Variants in CUBN observed in about 807,000 individuals in gnomAD.
CUBN encodes cubilin, also known as 460 kDa receptor.
A neutral mutation model predicts 405.3 loss-of-function variants in CUBN; 282 were observed. The ratio of observed to expected loss-of-function variants is 0.70; its 90% CI spans 0.63 to 0.77. The LOEUF (loss-of-function observed/expected upper bound fraction) is 0.77. CUBN is among the 30% of genes least tolerant of loss of function. The pLI, the probability that CUBN is intolerant of heterozygous loss-of-function variation, is 0.00. For missense variants in CUBN, 4,514 were observed against 4,475.2 expected (o/e 1.01, Z -0.25); for synonymous variants, 1,684 against 1,617.0 (o/e 1.04, Z -0.99).
chr10:16,939,156 G>A lies in CUBN; in HGVS notation c.5549-9C>T, dbSNP rs368926188. ...ATTATCATTGCCAAATACTAGGAGGGAAGACAGAGTAGTAAATCAGACCCA... is the reference window on the plus strand; with the variant it reads ...ATTATCATTGCCAAATACTAGGAGGAAAGACAGAGTAGTAAATCAGACCCA... On this transcript the variant is annotated splice_polypyrimidine_tract_variant and intron_variant, in intron 37 of 66. Transcript: ENST00000377833. 32 of 1,609,458 alleles carry A rather than the reference G, an allele frequency of 2.0e-5. 1 individual carries two copies. The African/African-American group carries it at 3.9e-4, about 19-fold the overall frequency.
At chr10:16,846,896 CCT>C (rs1839530784) in intron 60 of CUBN, among the ~76,000 whole-genome samples, 1 of 151,904 alleles carries the variant, frequency 6.6e-6, no homozygotes, top group South Asian at 2.1e-4. Flanking sequence ...AGGATGAGGA[CCT>C]CTCTCTGCTG....
chr10:17,004,706 A>G (rs1392206659), intron 28 of CUBN, among the ~76,000 whole-genome samples: 3 of 140,686 alleles, frequency 2.1e-5, no homozygotes, highest in African/African-American at 5.4e-5. Context: ...ATCTCACTCT[A>G]TTGCCCAGGC....
intron 57 of CUBN, among the ~76,000 whole-genome samples, chr10:16,875,166 C>G (rs1335016653): frequency 6.6e-6 from 1 of 151,932 alleles, no homozygotes; most frequent in East Asian, 1.9e-4. Flanking sequence ...CAGGCCCGTT[C>G]CTCTCCAGGA....
intron 60 of CUBN, among the ~76,000 whole-genome samples, chr10:16,849,236 A>T (rs533043299): frequency 9.2e-5 from 14 of 152,172 alleles, no homozygotes; most frequent in African/African-American, 3.4e-4. Context: ...CCTTGACTTC[A>T]GGGATACTAC....
chr10:16,985,900 A>G (rs1031223625), intron 29 of CUBN, among the ~76,000 whole-genome samples: 19 of 152,202 alleles, frequency 1.2e-4, no homozygotes, highest in African/African-American at 4.6e-4. Flanking sequence ...AGTCCTCTGG[A>G]AAGAGTCTCC....
intron 31 of CUBN, among the ~76,000 whole-genome samples, chr10:16,959,228 T>C (rs995227532): frequency 2.0e-5 from 3 of 152,228 alleles, no homozygotes; most frequent in Non-Finnish European, 4.4e-5. Context: ...CTAATTGTCA[T>C]TTTATGAAAT....
Position 16,982,670 on chromosome 10 carries a change from C to T in CUBN, c.4526-17G>A, listed in dbSNP as rs757139354. On this transcript the variant is annotated splice_polypyrimidine_tract_variant and intron_variant, in intron 30 of 66. Transcript: ENST00000377833. ...CACCACAACCTGGAAGTGGGGAACACAATTATTTCATGAGAGGAATCATGG... is the reference window on the plus strand; with the variant it reads ...CACCACAACCTGGAAGTGGGGAACATAATTATTTCATGAGAGGAATCATGG... 1.2e-6 allele frequency: 2 copies of T among 1,606,664 alleles called. No homozygotes were observed. Among genetic ancestry groups the T allele is most frequent in the Non-Finnish European group, 1.7e-6 (2 of 1,174,732 alleles).
intron 28 of CUBN, among the ~76,000 whole-genome samples, chr10:17,011,251 G>A (rs1449814964): frequency 2.6e-5 from 4 of 152,184 alleles, no homozygotes; most frequent in East Asian, 1.9e-4. Context: ...ATGAAGCCAC[G>A]GACCCTCACA....
intron 50 of CUBN, among the ~76,000 whole-genome samples, chr10:16,905,125 T>G (rs1292896957): frequency 2.6e-5 from 4 of 152,222 alleles, no homozygotes; most frequent in Non-Finnish European, 5.9e-5. Context: ...CTCCTTTTCT[T>G]TAAATTTTGG....
At chr10:16,862,636 G>T (rs1840052058) in intron 59 of CUBN, among the ~76,000 whole-genome samples, 2 of 152,138 alleles carry the variant, frequency 1.3e-5, no homozygotes, top group East Asian at 3.9e-4. Flanking sequence ...TATAACAAAA[G>T]AATGTTTTAA....
chr10:16,964,319 C>T (rs902988427), intron 31 of CUBN, among the ~76,000 whole-genome samples: 9 of 151,978 alleles, frequency 5.9e-5, no homozygotes, highest in East Asian at 1.9e-4. Flanking sequence ...AATAATAAAG[C>T]GTGGCTAACT....
chr10:17,004,747 G>A (rs1833972628), intron 28 of CUBN, among the ~76,000 whole-genome samples: 1 of 148,950 alleles, frequency 6.7e-6, no homozygotes. Context: ...TTGGCTCACT[G>A]CAACCTCTGC....
chr10:17,014,845 T>C (rs888820575), intron 28 of CUBN, among the ~76,000 whole-genome samples: 4 of 152,136 alleles, frequency 2.6e-5, no homozygotes, highest in African/African-American at 9.7e-5. Context: ...TCCATGTAAG[T>C]TGGGACGTGT....
chr10:17,125,228 CTA>C (rs1837149417), intron 4 of CUBN, among the ~76,000 whole-genome samples: 1 of 151,722 alleles, frequency 6.6e-6, no homozygotes, highest in South Asian at 2.1e-4. Flanking sequence ...ATATATGTGT[CTA>C]TATATATGCA....
At chr10:17,000,029 C>T (rs1362807198) in intron 28 of CUBN, among the ~76,000 whole-genome samples, 1 of 152,252 alleles carries the variant, frequency 6.6e-6, no homozygotes, top group Non-Finnish European at 1.5e-5. Flanking sequence ...CTGATTACAA[C>T]ATCCCATGCT....
At chr10:17,044,076 T>A in intron 25 of CUBN, 93 bp from the exon 26 acceptor site, 1 of 576,304 alleles carries the variant, frequency 1.7e-6, no homozygotes, top group African/African-American at 2.0e-5. Flanking sequence ...AAAAAATATA[T>A]ATATTTATTA....
intron 28 of CUBN, among the ~76,000 whole-genome samples, chr10:17,001,407 G>A (rs1200916442): frequency 2.0e-5 from 3 of 152,192 alleles, no homozygotes; most frequent in Non-Finnish European, 4.4e-5. Context: ...TTTACAGAGT[G>A]CTGATTGGTC....
At position 16,851,292 on chromosome 10, in the gene CUBN, A is replaced by G. The variant is rs750101173; in HGVS notation, c.9606T>C (p.Asn3202=). The G allele has an allele frequency of 6.2e-7, 1 of 1,614,196 alleles. No individual in the cohort carries two copies. Residue 3202 remains asparagine (N), a synonymous_variant, in exon 60 of 67, where the codon AAT becomes AAC. Coordinates refer to ENST00000377833, the MANE Select transcript of CUBN (RefSeq NM_001081.4). ...PVNKVIHLTF[N]TFALEAASTR... ...TACTTGCTGCCTCCAGAGCAAATGT[A>G]TTGAAGGTGAGGTGAATTACTTTGT...
rs1366805253 is a variant in CUBN at position 16,867,022 on chromosome 10, G to A, written c.9454+2614C>T. The stretch of plus-strand genomic sequence containing the variant: ...CTCTTCATCCTGAAAAATTGAAGCA[G>A]ATGTACATAAAACATTGCCAAGTGT... On this transcript the variant is annotated intron_variant, in intron 59 of 66. Coordinates refer to ENST00000377833, the MANE Select transcript of CUBN (RefSeq NM_001081.4). Among the ~76,000 whole-genome samples, 2 of 152,158 alleles carry A rather than the reference G, an allele frequency of 1.3e-5. 1 individual carries two copies. Among genetic ancestry groups the A allele is most frequent in the Non-Finnish European group, 2.9e-5 (2 of 68,036 alleles).
Sources: allele counts gnomAD v4.1 joint callset (sites outside exome capture counted in the v4.1 genomes callset), GRCh38; gene constraint gnomAD v4.1.1; transcripts MANE v1.5; gene names NCBI Gene and HGNC (gene_info 2026-07-23, HGNC 2026-07-21).